PLEKHG4B: variants seen among roughly 807,000 people sequenced by gnomAD.
PLEKHG4B encodes pleckstrin homology domain-containing family G member 4B.
In PLEKHG4B, 111 loss-of-function variants were observed where a neutral mutation model predicts 121.3. The observed-to-expected ratio is 0.92, with a 90% confidence interval of 0.78 to 1.07. PLEKHG4B has a LOEUF of 1.07. Ranked by LOEUF, PLEKHG4B falls within the 50% of genes least tolerant of loss-of-function variation. The probability of loss-of-function intolerance (pLI) is 0.00; values close to 1 mark genes in which losing one functional copy is unlikely to be tolerated. For synonymous variants in PLEKHG4B, 738 were observed against 725.0 expected (o/e 1.02, Z -0.29); for missense variants, 1,831 against 1,757.8 (o/e 1.04, Z -0.74).
Position 157,890 on chromosome 5 carries a change from C to T in PLEKHG4B, c.2487+979C>T, listed in dbSNP as rs533442311. On this transcript the variant is annotated intron_variant, in intron 11 of 19. Transcript: ENST00000637938. The surrounding 1 kb of genome is among the most constrained non-coding windows in gnomAD (Gnocchi z 4.6). ...AGCCCTCCTGTCTGCTGGCAAAGCT[C>T]CCCCGGCCTTCAGGTCCATGCGCGT... 2.7e-3 allele frequency among the ~76,000 whole-genome samples: 416 copies of T among 152,272 alleles called. 4 individuals are homozygous for T. The highest frequency in any genetic ancestry group is 9.5e-3 in the African/African-American group (393 of 41,538).
chr5:170,794 A>C (rs1736517105), intron 14 of PLEKHG4B, among the ~76,000 whole-genome samples: 1 of 151,910 alleles, frequency 6.6e-6, no homozygotes, highest in South Asian at 2.1e-4. Flanking sequence ...CTGTGTTTTA[A>C]AGACAAATTA....
intron 13 of PLEKHG4B, among the ~76,000 whole-genome samples, chr5:164,135 C>T (rs1197655102): frequency 1.3e-5 from 2 of 152,242 alleles, no homozygotes; most frequent in Non-Finnish European, 2.9e-5. Context: ...ATGCTTTGCT[C>T]ATTTGGTTGG....
Position 171,112 on chromosome 5 carries a change from C to G in PLEKHG4B, c.3799C>G (p.His1267Asp). 6.2e-7 allele frequency: 1 copy of G among 1,613,470 alleles called. No individual in the cohort carries two copies. Among genetic ancestry groups the G allele is most frequent in the Non-Finnish European group, 8.5e-7 (1 of 1,179,846 alleles). ...GCAGTCGGATGCCCTGCTCAGCAGCCATGGCAACGCCTTCTTCAAGGTCAT... is the reference window on the plus strand; with the variant it reads ...GCAGTCGGATGCCCTGCTCAGCAGCGATGGCAACGCCTTCTTCAAGGTCAT... ...KPQSDALLSS[H>D]GNAFFKDKQR... The change falls in exon 15 of 20, where the codon CAT becomes GAT. Residue 1267 changes from histidine to aspartate, a missense_variant. By Grantham distance (81) the His-to-Asp change is moderately conservative. Transcript: ENST00000637938.
intron 18 of PLEKHG4B, 56 bp from the exon 19 acceptor site, chr5:181,458 G>T: frequency 6.4e-7 from 1 of 1,565,168 alleles, no homozygotes; most frequent in Non-Finnish European, 8.7e-7. Flanking sequence ...GGCGTCTTTG[G>T]GGTGGCATTA....
rs1187956806 is a variant in PLEKHG4B at position 184,993 on chromosome 5, T to A, written c.*2670T>A. On this transcript the variant is annotated 3_prime_UTR_variant, in exon 20 of 20. Coordinates refer to ENST00000637938, the MANE Select transcript of PLEKHG4B (RefSeq NM_052909.5). Reference sequence around the variant, plus strand: ...GCTGGGAGACGCTGGATGTGATACGTGAAGTGAGGGGTATCACTTGAAGGT... The same window carrying A: ...GCTGGGAGACGCTGGATGTGATACGAGAAGTGAGGGGTATCACTTGAAGGT... 6.6e-6 allele frequency: 1 copy of A among 152,212 alleles called. No individual in the cohort carries two copies. Among genetic ancestry groups the A allele is most frequent in the Non-Finnish European group, 1.5e-5 (1 of 68,034 alleles). 9.4% of individuals were successfully genotyped at this position (152,212 alleles called of 1,614,324 possible).
chr5:93,217 G>T (rs7729892), intron 1 of PLEKHG4B, among the ~76,000 whole-genome samples: 2 of 151,986 alleles, frequency 1.3e-5, no homozygotes, highest in Non-Finnish European at 2.9e-5. Context: ...AGCTGGGTGG[G>T]TCCTGAATCA....
intron 2 of PLEKHG4B, among the ~76,000 whole-genome samples, chr5:127,778 A>C (rs1489593977): frequency 6.6e-6 from 1 of 152,226 alleles, no homozygotes; most frequent in East Asian, 1.9e-4. Context: ...TGAGCCAAAC[A>C]TGAGTGACTA....
At chr5:173,855 G>T in intron 17 of PLEKHG4B, 63 bp from the exon 18 acceptor site, 2 of 1,559,246 alleles carry the variant, frequency 1.3e-6, no homozygotes, top group African/African-American at 1.3e-5. Flanking sequence ...GAGGAATTTG[G>T]GTAGCCAGTT....
chr5:174,023 A>G lies in PLEKHG4B; in HGVS notation c.4327A>G (p.Ser1443Gly). ...KSQDTYILQASSAEVKSAWTD... is the reference protein window; with the variant it reads ...KSQDTYILQAGSAEVKSAWTD... ...TCAGGACACCTACATTCTCCAAGCA[A>G]GCTCGGCAGAGGTCAAGAGTGCATG... Residue 1443 changes from serine (S) to glycine (G), a missense_variant, in exon 18 of 20, where the codon AGC becomes GGC. Transcript: ENST00000637938. 1 of 1,607,684 alleles carries G rather than the reference A, an allele frequency of 6.2e-7. No homozygotes were observed.
intron 14 of PLEKHG4B, among the ~76,000 whole-genome samples, chr5:170,618 G>T (rs1736511239): frequency 6.6e-6 from 1 of 152,094 alleles, no homozygotes; most frequent in Non-Finnish European, 1.5e-5. Flanking sequence ...TTCTTAAAAG[G>T]TGCTTTTAGA....
At chr5:138,385 C>T (rs1385068466) in intron 2 of PLEKHG4B, among the ~76,000 whole-genome samples, 2 of 152,198 alleles carry the variant, frequency 1.3e-5, no homozygotes, top group African/African-American at 4.8e-5. Flanking sequence ...CTTGTTTTCA[C>T]TTCCCTCAGC....
At chr5:114,494 G>C (rs185165432) in intron 2 of PLEKHG4B, among the ~76,000 whole-genome samples, 299 of 152,234 alleles carry the variant, frequency 2.0e-3, no homozygotes, top group South Asian at 4.2e-3. Flanking sequence ...GTCTTGCTCT[G>C]TCACCCAGGC....
intron 6 of PLEKHG4B, among the ~76,000 whole-genome samples, chr5:151,241 A>C (rs564266168): frequency 1.1e-4 from 16 of 152,364 alleles, no homozygotes; most frequent in Admixed American, 8.5e-4. Flanking sequence ...GGTGATGGTT[A>C]CATGACTATG....
At chr5:106,962 T>TA (rs1397315525) in intron 1 of PLEKHG4B, among the ~76,000 whole-genome samples, 1 of 152,238 alleles carries the variant, frequency 6.6e-6, no homozygotes, top group Non-Finnish European at 1.5e-5. Flanking sequence ...TGGAGACTCA[T>TA]ATGCAGGATG....
chr5:94,716 G>A (rs1404574596), intron 1 of PLEKHG4B, among the ~76,000 whole-genome samples: 2 of 152,004 alleles, frequency 1.3e-5, no homozygotes, highest in Non-Finnish European at 2.9e-5. Context: ...GGGGGCTCTC[G>A]GGGAGGTGTC....
rs149174138 is a variant in PLEKHG4B at position 169,395 on chromosome 5, C to T, written c.3532C>T (p.Arg1178Trp). The T allele has an allele frequency of 7.2e-5, 117 of 1,613,990 alleles. No homozygotes were observed. Among genetic ancestry groups the T allele is most frequent in the Non-Finnish European group, 9.4e-5 (111 of 1,180,048 alleles). Residue 1178 changes from arginine (R) to tryptophan (W), a missense_variant, in exon 14 of 20, where the codon CGG becomes TGG. Transcript: ENST00000637938. ...EMIATEREYIRCLGYVIDNYF... is the reference protein window; with the variant it reads ...EMIATEREYIWCLGYVIDNYF... Reference sequence around the variant, plus strand: ...GATCGCCACAGAGAGGGAGTACATTCGGTGCTTAGGATACGTCATTGACAA... The same window carrying T: ...GATCGCCACAGAGAGGGAGTACATTTGGTGCTTAGGATACGTCATTGACAA...
chr5:170,187 G>A (rs1388176782), intron 14 of PLEKHG4B, among the ~76,000 whole-genome samples: 2 of 152,256 alleles, frequency 1.3e-5, no homozygotes, highest in African/African-American at 4.8e-5. Flanking sequence ...GCTTTCAACA[G>A]GCATTCACTG....
At chr5:130,635 G>C (rs1560913617) in intron 2 of PLEKHG4B, among the ~76,000 whole-genome samples, 1 of 152,218 alleles carries the variant, frequency 6.6e-6, no homozygotes, top group Non-Finnish European at 1.5e-5. Flanking sequence ...CTTATTTTTA[G>C]CAGCTGAGCT....
Position 163,335 on chromosome 5 carries a change from T to TA in PLEKHG4B, c.3264dup (p.Pro1089ThrfsTer17). 1 of 1,613,346 alleles carries TA rather than the reference T, an allele frequency of 6.2e-7. No individual in the cohort carries two copies. The highest frequency in any genetic ancestry group is 8.5e-7 in the Non-Finnish European group (1 of 1,180,014). On this transcript the variant is annotated frameshift_variant, in exon 13 of 20. Coordinates refer to ENST00000637938, the MANE Select transcript of PLEKHG4B (RefSeq NM_052909.5). LOFTEE classifies it high-confidence loss of function. ...ATAAAGAAAACGCAAAGTTTCGAGA[T>TA]ACCTCAGCCCGACAGTGGCCCCAGG...
Sources: gnomAD v4.1 joint callset for allele counts (sites outside exome capture counted in the v4.1 genomes callset) on GRCh38, gnomAD v4.1.1 for gene constraint, Gnocchi (gnomAD v3.1) non-coding constraint, MANE v1.5 for transcripts, NCBI Gene and HGNC (gene_info 2026-07-23, HGNC 2026-07-21) for gene names.